Variants in ADGRL1 observed in about 807,000 individuals in gnomAD.
ADGRL1 encodes the protein adhesion G protein-coupled receptor L1, also known as CIRL-1.
In ADGRL1, 31 loss-of-function variants were observed where a neutral mutation model predicts 148.9. That is an observed-to-expected ratio of 0.21 (90% CI 0.16 to 0.28). ADGRL1 has a LOEUF of 0.28. Among genes scored for constraint, ADGRL1 ranks in the 10% least tolerant of loss-of-function variants. ADGRL1 has a pLI of 1.00. For missense variants in ADGRL1, 1,521 were observed against 2,058.8 expected, an observed-to-expected ratio of 0.74 and a Z score of 5.05; for synonymous variants, 937 against 900.3, an observed-to-expected ratio of 1.04 and a Z score of -0.73.
At position 14,163,076 on chromosome 19, in the gene ADGRL1, G is replaced by T. The variant is rs772483111; in HGVS notation, c.725C>A (p.Thr242Lys). 1 of 1,614,006 alleles carries T rather than the reference G, an allele frequency of 6.2e-7. No individual in the cohort carries two copies. The highest frequency in any genetic ancestry group is 1.7e-5 in the Admixed American group (1 of 60,034). The change falls in exon 5 of 23, where the codon ACG (threonine) becomes AAG (lysine). Residue 242 changes from threonine (T) to lysine (K), a missense_variant. Coordinates refer to ENST00000361434, the MANE Select transcript of ADGRL1 (RefSeq NM_014921.5). ...ATGGTAGTTGGCGGTATTGATGACC[G>T]TCTCCCCGCTCTTGATGCGCGTCCG... ...DLRTRIKSGE[T>K]VINTANYHDT...
At chr19:14,154,041 C>CT (rs879432212) in intron 18 of ADGRL1, among the ~76,000 whole-genome samples, 10 of 152,006 alleles carry the variant, frequency 6.6e-5, no homozygotes, top group African/African-American at 1.2e-4. Context: ...CCCTGAGGGT[C>CT]CACATCTAGG....
intron 4 of ADGRL1, chr19:14,167,104 A>G (rs990973887): frequency 1.9e-5 from 25 of 1,319,852 alleles, no homozygotes; most frequent in African/African-American, 8.8e-5. Context: ...GAGAAAAAAA[A>G]AGAGATTAAA....
chr19:14,201,989 G>A (rs1473029741), intron 1 of ADGRL1, among the ~76,000 whole-genome samples: 1 of 152,114 alleles, frequency 6.6e-6, no homozygotes, highest in East Asian at 1.9e-4. Flanking sequence ...AGAGGGTGGG[G>A]GAGAAAAAGC....
intron 4 of ADGRL1, among the ~76,000 whole-genome samples, chr19:14,167,192 G>A (rs1442795257): frequency 6.6e-6 from 1 of 152,118 alleles, no homozygotes; most frequent in African/African-American, 2.4e-5. Flanking sequence ...CCCTTCCGTA[G>A]CATCAGCTCG....
At chr19:14,156,900 G>A (rs763860535) in intron 15 of ADGRL1, 25 bp downstream of exon 15, 1 of 1,603,982 alleles carries the variant, frequency 6.2e-7, no homozygotes, top group Non-Finnish European at 8.5e-7. Context: ...GTGGGAGGGT[G>A]CAGGGCTGGG....
chr19:14,200,611 A>G (rs1972537981), intron 1 of ADGRL1, among the ~76,000 whole-genome samples: 1 of 152,170 alleles, frequency 6.6e-6, no homozygotes, highest in Admixed American at 6.5e-5. Flanking sequence ...ACTCTATTTT[A>G]TTTACGTATA....
chr19:14,183,218 C>CA (rs1971336222), intron 2 of ADGRL1, among the ~76,000 whole-genome samples: 3 of 124,868 alleles, frequency 2.4e-5, no homozygotes, highest in African/African-American at 8.3e-5. Context: ...AGAGAGAGAG[C>CA]GAGAGAGAGA....
Position 14,160,825 on chromosome 19 carries a change from C to T in ADGRL1, c.1511-129G>A, listed in dbSNP as rs112896451. 3.8e-4 allele frequency: 267 copies of T among 695,214 alleles called. No homozygotes were observed. The highest frequency in any genetic ancestry group is 1.6e-3 in the African/African-American group (89 of 57,190). 43.1% of individuals were successfully genotyped at this position (695,214 alleles called of 1,614,324 possible). A position where few individuals can be genotyped will look rare whatever the true frequency, so the allele number is the denominator to read the frequency against. ...GGCGAAGAGGGAGGTGAGGGAAACACGGAGAAACAGACATGAAGCGGGCTG... is the reference window on the plus strand; with the variant it reads ...GGCGAAGAGGGAGGTGAGGGAAACATGGAGAAACAGACATGAAGCGGGCTG... On this transcript the variant is annotated intron_variant, in intron 6 of 22. Coordinates refer to ENST00000361434, the MANE Select transcript of ADGRL1 (RefSeq NM_014921.5). This position sits in a 1 kb window ranked among gnomAD's most constrained non-coding sequence, Gnocchi z 5.9.
intron 2 of ADGRL1, among the ~76,000 whole-genome samples, chr19:14,178,314 G>C (rs1397986043): frequency 6.6e-6 from 1 of 152,020 alleles, no homozygotes; most frequent in Non-Finnish European, 1.5e-5. Flanking sequence ...AGACCAGCCT[G>C]AGCAATATAG....
chr19:14,160,552 C>T lies in ADGRL1; in HGVS notation c.1614+41G>A, dbSNP rs754365217. The T allele has an allele frequency of 3.4e-6, 5 of 1,451,478 alleles. No homozygotes were observed. Among genetic ancestry groups the T allele is most frequent in the Non-Finnish European group, 4.7e-6 (5 of 1,065,000 alleles). 89.9% of individuals were successfully genotyped at this position (1,451,478 alleles called of 1,614,324 possible). ...CCCCGCTGGGCCCTGGGCCCTGGGC[C>T]CGAGCACATGTGCCTGCCTGCGAGG... On this transcript the variant is annotated intron_variant, in intron 7 of 22. Coordinates refer to ENST00000361434, the MANE Select transcript of ADGRL1 (RefSeq NM_014921.5). This position sits in a 1 kb window ranked among gnomAD's most constrained non-coding sequence, Gnocchi z 5.9.
At chr19:14,193,429 A>C (rs1568628932) in intron 1 of ADGRL1, among the ~76,000 whole-genome samples, 1 of 151,958 alleles carries the variant, frequency 6.6e-6, no homozygotes. Flanking sequence ...TCCACAAAAA[A>C]CACAAAAATT....
At chr19:14,156,369 G>A (rs1475974483) in intron 16 of ADGRL1, among the ~76,000 whole-genome samples, 168 bp from the exon 17 acceptor site, 3 of 152,042 alleles carry the variant, frequency 2.0e-5, no homozygotes. Flanking sequence ...GAGCTGATTG[G>A]CATGACCGGC....
At position 14,184,931 on chromosome 19, in the gene ADGRL1, G is replaced by A. The variant is rs570593829; in HGVS notation, c.-95-1234C>T. On this transcript the variant is annotated intron_variant, in intron 1 of 22. Transcript: ENST00000361434. ...TGGGATTACAGGCGTGAGCCACAGCGCCCAGCACCACCAGCTAATTTTTAA... is the reference window on the plus strand; with the variant it reads ...TGGGATTACAGGCGTGAGCCACAGCACCCAGCACCACCAGCTAATTTTTAA... Among the ~76,000 whole-genome samples, 13 of 152,164 alleles carry A rather than the reference G, an allele frequency of 8.5e-5. No individual in the cohort carries two copies. In the East Asian group the frequency reaches 1.7e-3, roughly 20 times the overall value.
chr19:14,202,255 G>C lies in ADGRL1; in HGVS notation c.-96+3730C>G, dbSNP rs539238128. ...GGAGAGTTTTGCTTTTTTGTTTTGGGTTTTTTTTTTTTATTGAGAATGAGT... is the reference window on the plus strand; with the variant it reads ...GGAGAGTTTTGCTTTTTTGTTTTGGCTTTTTTTTTTTTATTGAGAATGAGT... On this transcript the variant is annotated intron_variant, in intron 1 of 22. Coordinates refer to ENST00000361434, the MANE Select transcript of ADGRL1 (RefSeq NM_014921.5). 2.2e-3 allele frequency among the ~76,000 whole-genome samples: 321 copies of C among 145,472 alleles called. 1 individual carries two copies. Among genetic ancestry groups the C allele is most frequent in the Non-Finnish European group, 3.7e-3 (241 of 65,888 alleles).
chr19:14,158,566 G>A lies in ADGRL1; in HGVS notation c.2150-14C>T, dbSNP rs779632409. The stretch of plus-strand genomic sequence containing the variant: ...CTTTGACCACCCCTGGTGAGAACAG[G>A]CACGTTTGGATGTGTCAGCATCCTC... On this transcript the variant is annotated splice_polypyrimidine_tract_variant and intron_variant, in intron 11 of 22. Coordinates refer to ENST00000361434, the MANE Select transcript of ADGRL1 (RefSeq NM_014921.5). 78 of 1,607,012 alleles carry A rather than the reference G, an allele frequency of 4.9e-5. No homozygotes were observed. Among genetic ancestry groups the A allele is most frequent in the Non-Finnish European group, 6.6e-5 (77 of 1,174,054 alleles).
chr19:14,165,448 G>T (rs1969865829), intron 4 of ADGRL1, among the ~76,000 whole-genome samples: 1 of 152,140 alleles, frequency 6.6e-6, no homozygotes, highest in Non-Finnish European at 1.5e-5. Flanking sequence ...TGTCAGGGGG[G>T]AAAAATGTGG....
intron 1 of ADGRL1, chr19:14,191,428 A>G (rs1229684132): frequency 2.2e-6 from 1 of 456,598 alleles, no homozygotes; most frequent in East Asian, 6.9e-5. Flanking sequence ...GACACTCGGG[A>G]TGCTCCTGGC....
At chr19:14,200,064 G>A (rs1420410244) in intron 1 of ADGRL1, among the ~76,000 whole-genome samples, 2 of 152,210 alleles carry the variant, frequency 1.3e-5, no homozygotes, top group African/African-American at 2.4e-5. Context: ...GATCAGGAAA[G>A]GCCATCTCCC....
At chr19:14,194,136 C>T (rs565600678) in intron 1 of ADGRL1, among the ~76,000 whole-genome samples, 20 of 152,282 alleles carry the variant, frequency 1.3e-4, no homozygotes, top group Admixed American at 9.2e-4. Context: ...CCCAGCTGCT[C>T]GGGAGGCTGA....
Sources: gnomAD v4.1 joint callset for allele counts (sites outside exome capture counted in the v4.1 genomes callset) on GRCh38, gnomAD v4.1.1 for gene constraint, Gnocchi (gnomAD v3.1) non-coding constraint, MANE v1.5 for transcripts, NCBI Gene and HGNC (gene_info 2026-07-23, HGNC 2026-07-21) for gene names.